TLK1: variants seen among roughly 807,000 people sequenced by gnomAD.
TLK1 encodes serine/threonine-protein kinase tousled-like 1.
In TLK1, 24 loss-of-function variants were observed where a neutral mutation model predicts 105.3. The observed-to-expected ratio is 0.23, with a 90% CI of 0.17 to 0.32. TLK1 has a LOEUF of 0.32. TLK1 is among the 10% of genes least tolerant of loss of function. The pLI is 1.00. For missense variants in TLK1, 558 were observed against 910.5 expected, an observed-to-expected ratio of 0.61 and a Z score of 4.98; for synonymous variants, 321 against 310.4, an observed-to-expected ratio of 1.03 and a Z score of -0.36.
At chr2:171,173,584 G>A (rs1211052375) in intron 1 of TLK1, among the ~76,000 whole-genome samples, 1 of 151,494 alleles carries the variant, frequency 6.6e-6, no homozygotes, top group Non-Finnish European at 1.5e-5. Context: ...CAGAGGCAGG[G>A]TCTCACTATG....
chr2:171,227,568 C>CTTTTTTTTTTTTTTTTTTT lies in TLK1; in HGVS notation c.-6+3558_-6+3576dup, dbSNP rs71401413. 5.0e-4 allele frequency among the ~76,000 whole-genome samples: 28 copies of CTTTTTTTTTTTTTTTTTTT among 55,516 alleles called. 1 individual carries two copies. Among genetic ancestry groups the CTTTTTTTTTTTTTTTTTTT allele is most frequent in the Non-Finnish European group, 6.3e-4 (19 of 30,290 alleles). The allele number at this position is 55,516 out of a possible 152,430, so 36.4% of individuals were successfully genotyped here. On this transcript the variant is annotated intron_variant, in intron 1 of 20. Transcript: ENST00000521943. ...AGTTAGTCATGAGTTAGTAAATCTC[C>CTTTTTTTTTTTTTTTTTTT]TTTTTTTTTTTTTTTTTTTTTTTTT...
chr2:171,062,098 T>TA (rs1250894738), intron 3 of TLK1, among the ~76,000 whole-genome samples: 3 of 152,334 alleles, frequency 2.0e-5, no homozygotes, highest in African/African-American at 7.2e-5. Flanking sequence ...ATTAGACTAA[T>TA]ACAAGTAATT....
chr2:170,993,808 G>T lies in TLK1; in HGVS notation c.2273C>A (p.Pro758His). The change falls in exon 21 of 21, where the codon CCC (proline) becomes CAC (histidine). Residue 758 changes from proline to histidine, a missense_variant. Physicochemically the swap from Pro to His is moderately conservative, Grantham distance 77 (BLOSUM62 -2). Around this residue, in one of 5 missense-constraint regions of TLK1, gnomAD observed 27 missense variants for 22.5 expected, o/e 1.20. Transcript: ENST00000431350. ...HMAGLTASPT[P>H]PSSSIITY Reference sequence around the variant, plus strand: ...GTAAGTAATTATGCTTGAAGAAGGGGGTGTAGGGGATGCTGTCAGCCCAGC... The same window carrying T: ...GTAAGTAATTATGCTTGAAGAAGGGTGTGTAGGGGATGCTGTCAGCCCAGC... 1 of 1,608,004 alleles carries T rather than the reference G, an allele frequency of 6.2e-7. No individual in the cohort carries two copies. The highest frequency in any genetic ancestry group is 1.1e-5 in the South Asian group (1 of 89,798).
chr2:171,101,813 C>A (rs1337682616), intron 2 of TLK1, among the ~76,000 whole-genome samples: 1 of 151,924 alleles, frequency 6.6e-6, no homozygotes, highest in Non-Finnish European at 1.5e-5. Context: ...TTAAAAAACA[C>A]CCATGAGACA....
intron 1 of TLK1, among the ~76,000 whole-genome samples, chr2:171,219,564 A>G (rs1371089998): frequency 6.6e-6 from 1 of 151,538 alleles, no homozygotes; most frequent in East Asian, 1.9e-4. Context: ...TTCACATGGC[A>G]GAAAGAGTCA....
intron 20 of TLK1, chr2:170,994,701 C>T: frequency 1.9e-6 from 1 of 517,996 alleles, no homozygotes; most frequent in Non-Finnish European, 3.9e-6. Context: ...CTGGCTCTGT[C>T]CCCAGTCGAA....
intron 3 of TLK1, among the ~76,000 whole-genome samples, chr2:171,069,360 TAAG>T (rs1403487579): frequency 6.6e-6 from 1 of 152,210 alleles, no homozygotes; most frequent in Non-Finnish European, 1.5e-5. Context: ...ATGTAAAACT[TAAG>T]AAGTCGCAAT....
chr2:171,073,189 T>A (rs1160626505), intron 3 of TLK1, among the ~76,000 whole-genome samples: 2 of 152,156 alleles, frequency 1.3e-5, no homozygotes, highest in Non-Finnish European at 2.9e-5. Context: ...TCCTTTCCAA[T>A]TTGGATGCCC....
At chr2:171,049,004 T>C (rs954169302) in intron 10 of TLK1, among the ~76,000 whole-genome samples, 1 of 152,198 alleles carries the variant, frequency 6.6e-6, no homozygotes, top group African/African-American at 2.4e-5. Flanking sequence ...ATTCCTCTGT[T>C]TAAAAGTTTG....
Position 171,168,532 on chromosome 2 carries a change from G to A in TLK1, c.-5-50675C>T, listed in dbSNP as rs576352080. On this transcript the variant is annotated intron_variant, in intron 1 of 20. Transcript: ENST00000521943. The stretch of plus-strand genomic sequence containing the variant: ...ATGCCTGTAATCCCAGGACTTTGGG[G>A]GCAAATTAGGAACATTCTCCCATGG... 8.6e-5 allele frequency among the ~76,000 whole-genome samples: 13 copies of A among 151,464 alleles called. No individual in the cohort carries two copies. In the East Asian group the frequency reaches 2.6e-3, roughly 30 times the overall value.
chr2:171,078,728 T>C (rs1478716294), intron 3 of TLK1, among the ~76,000 whole-genome samples: 1 of 152,198 alleles, frequency 6.6e-6, no homozygotes, highest in Non-Finnish European at 1.5e-5. Context: ...AACAGCAAAC[T>C]TGAAAATACT....
intron 1 of TLK1, among the ~76,000 whole-genome samples, chr2:171,128,198 T>G (rs1443364146): frequency 6.6e-6 from 1 of 152,126 alleles, no homozygotes; most frequent in Non-Finnish European, 1.5e-5. Flanking sequence ...TACTAAAGCA[T>G]AGGGTTTCTG....
chr2:171,180,054 G>A (rs1457916202), intron 1 of TLK1, among the ~76,000 whole-genome samples: 3 of 145,908 alleles, frequency 2.1e-5, no homozygotes, highest in Non-Finnish European at 3.0e-5. Context: ...GAGATCTCAC[G>A]ACTGCACTCC....
intron 11 of TLK1, among the ~76,000 whole-genome samples, chr2:171,040,498 A>G (rs1458403778): frequency 6.6e-6 from 1 of 152,106 alleles, no homozygotes; most frequent in Non-Finnish European, 1.5e-5. Context: ...CCTCTAAAAA[A>G]TAAGTTCATT....
At chr2:171,211,619 G>C (rs1389775035) in intron 1 of TLK1, among the ~76,000 whole-genome samples, 2 of 151,924 alleles carry the variant, frequency 1.3e-5, no homozygotes, top group African/African-American at 4.8e-5. Flanking sequence ...GCGCGATGTT[G>C]GTTCACTGCA....
chr2:171,164,604 CA>C (rs548957339), upstream of TLK1, among the ~76,000 whole-genome samples: 140 of 152,172 alleles, frequency 9.2e-4, no homozygotes, highest in African/African-American at 3.1e-3. Context: ...TTTTGTAAAA[CA>C]AATCATGTAT....
chr2:171,118,064 C>T (rs927926782), intron 1 of TLK1, among the ~76,000 whole-genome samples: 4 of 152,146 alleles, frequency 2.6e-5, no homozygotes, highest in Non-Finnish European at 4.4e-5. Flanking sequence ...CTTTTGGCTG[C>T]AACTCACAGA....
chr2:171,088,334 AC>A (rs75313138), intron 2 of TLK1, among the ~76,000 whole-genome samples: 5,588 of 151,942 alleles, frequency 0.037, 412 homozygotes, highest in East Asian at 0.3. Context: ...TATCAAAAAC[AC>A]CCCAAAAAAC....
At chr2:171,172,489 A>G (rs1377100585) in intron 1 of TLK1, among the ~76,000 whole-genome samples, 1 of 152,156 alleles carries the variant, frequency 6.6e-6, no homozygotes, top group African/African-American at 2.4e-5. Context: ...AAACTAGTTG[A>G]TATGGTTTGA....
Sources: allele counts gnomAD v4.1 joint callset (sites outside exome capture counted in the v4.1 genomes callset), GRCh38; gene constraint gnomAD v4.1.1; regional missense constraint gnomAD v4.1.1; transcripts MANE v1.5; gene names NCBI Gene and HGNC (gene_info 2026-07-23, HGNC 2026-07-21).